SMC6: variants seen among roughly 807,000 people sequenced by gnomAD.
SMC6 encodes the protein structural maintenance of chromosomes 6, also known as structural maintenance of chromosomes protein 6.
Under a neutral mutation model 142.2 loss-of-function variants are expected in SMC6, and 79 were observed. The ratio of observed to expected loss-of-function variants is 0.56; its 90% CI spans 0.46 to 0.67. The LOEUF is 0.67. SMC6 is among the 30% of genes least tolerant of loss of function. SMC6 has a pLI of 0.00. For missense variants in SMC6, 1,072 were observed against 1,284.0 expected (o/e 0.83, Z 2.52); for synonymous variants, 411 against 412.4 (o/e 1.00, Z 0.04).
At chr2:17,726,689 T>C (rs1282605714) in intron 7 of SMC6, among the ~76,000 whole-genome samples, 1 of 152,134 alleles carries the variant, frequency 6.6e-6, no homozygotes, top group Non-Finnish European at 1.5e-5. Flanking sequence ...TATGGTATAG[T>C]TAACATTCAA....
rs778210503 is a variant in SMC6 at position 17,731,154 on chromosome 2, CAT to C, written c.482-17_482-16del. 51 of 1,593,172 alleles carry C rather than the reference CAT, an allele frequency of 3.2e-5. No individual in the cohort carries two copies. In the Middle Eastern group the frequency reaches 8.3e-4, roughly 26 times the overall value. On this transcript the variant is annotated splice_polypyrimidine_tract_variant and intron_variant, in intron 6 of 27. Transcript: ENST00000448223. ...AACCACGGAGCCTAGTTATAAGAAA[CAT>C]ATGAAATAACCAAACTGTTTCTAGG...
chr2:17,696,525 G>C, intron 21 of SMC6, 99 bp from the exon 22 acceptor site: 2 of 1,215,864 alleles, frequency 1.6e-6, no homozygotes, highest in South Asian at 2.7e-5. Flanking sequence ...GGATTATGCT[G>C]TTTGAAGAGG....
At chr2:17,707,741 C>G (rs1487756519) in intron 17 of SMC6, among the ~76,000 whole-genome samples, 1 of 151,880 alleles carries the variant, frequency 6.6e-6, no homozygotes, top group Admixed American at 6.6e-5. Context: ...TTCTAAATGA[C>G]TTTTATACCC....
chr2:17,734,820 C>T lies in SMC6; in HGVS notation c.345-2943G>A, dbSNP rs149771608. Among the ~76,000 whole-genome samples, 1,015 of 152,242 alleles carry T rather than the reference C, an allele frequency of 6.7e-3. 4 individuals are homozygous for T. The highest frequency in any genetic ancestry group is 0.011 in the Non-Finnish European group (737 of 68,026). On this transcript the variant is annotated intron_variant, in intron 5 of 27. Coordinates refer to ENST00000448223, the MANE Select transcript of SMC6 (RefSeq NM_001142286.2). ...GATCTCGGCTCACTGCAATCTCCGC[C>T]TCCCAGGTTCAAATGATTCTCCTGC...
chr2:17,728,356 C>T (rs1669734863), intron 7 of SMC6, among the ~76,000 whole-genome samples: 1 of 152,056 alleles, frequency 6.6e-6, no homozygotes, highest in Non-Finnish European at 1.5e-5. Context: ...ATCACTTGAG[C>T]CTGAGAGGTG....
intron 23 of SMC6, among the ~76,000 whole-genome samples, chr2:17,684,626 C>T (rs1328319135): frequency 6.6e-6 from 1 of 152,126 alleles, no homozygotes; most frequent in Non-Finnish European, 1.5e-5. Context: ...GAATTAGAGA[C>T]CAGCTTGGAC....
chr2:17,672,424 T>C (rs879758080), intron 25 of SMC6, among the ~76,000 whole-genome samples: 19 of 152,318 alleles, frequency 1.2e-4, no homozygotes, highest in Non-Finnish European at 2.2e-4. Context: ...AATACTTTTT[T>C]TTCTCCATTT....
At position 17,678,877 on chromosome 2, in the gene SMC6, A is replaced by G; in HGVS notation, c.2892T>C (p.Asn964=). ...TACTTACTGATATACTTAGAGTTTC[A>G]TTCTTGTGGTCAAAATTCATTTTTC... ...YCGKMNFDHK[N]ETLSISVQPG... Residue 964 remains asparagine (N), a synonymous_variant, in exon 25 of 28, where the codon AAT becomes AAC. Coordinates refer to ENST00000448223, the MANE Select transcript of SMC6 (RefSeq NM_001142286.2). The G allele has an allele frequency of 5.6e-6, 9 of 1,608,098 alleles. No individual in the cohort carries two copies. The highest frequency in any genetic ancestry group is 7.7e-6 in the Non-Finnish European group (9 of 1,175,612).
At chr2:17,691,233 TACACAC>T (rs138226968) in intron 23 of SMC6, among the ~76,000 whole-genome samples, 1,801 of 123,268 alleles carry the variant, frequency 0.015, 27 homozygotes, top group East Asian at 0.036. Flanking sequence ...AAAATGTGTA[TACACAC>T]ACACACACAC....
At chr2:17,694,227 A>C (rs1256027145) in intron 23 of SMC6, among the ~76,000 whole-genome samples, 2 of 152,078 alleles carry the variant, frequency 1.3e-5, no homozygotes. Flanking sequence ...GGGGTAATTA[A>C]AAGAGATTGG....
At chr2:17,725,112 C>A in intron 9 of SMC6, 145 bp downstream of exon 9, 1 of 581,176 alleles carries the variant, frequency 1.7e-6, no homozygotes, top group Non-Finnish European at 2.9e-6. Flanking sequence ...AATATAAACA[C>A]TACATTGCAT....
chr2:17,753,158 G>C (rs1352043108), intron 1 of SMC6, 94 bp from the exon 2 acceptor site: 1 of 282,558 alleles, frequency 3.5e-6, no homozygotes, highest in Non-Finnish European at 5.3e-6. Flanking sequence ...CGTAAAACTG[G>C]GCTTTAATGA....
At chr2:17,685,133 A>AAC (rs1667393776) in intron 23 of SMC6, among the ~76,000 whole-genome samples, 2 of 151,994 alleles carry the variant, frequency 1.3e-5, no homozygotes, top group Non-Finnish European at 2.9e-5. Context: ...AAAATGAAAA[A>AAC]AAAAGACAAA....
chr2:17,720,181 A>G (rs1669301129), intron 11 of SMC6, among the ~76,000 whole-genome samples: 1 of 152,200 alleles, frequency 6.6e-6, no homozygotes. Context: ...TGGTATATGA[A>G]TGATATCTCA....
intron 9 of SMC6, among the ~76,000 whole-genome samples, chr2:17,722,550 C>T (rs949540174): frequency 6.6e-6 from 1 of 152,186 alleles, no homozygotes; most frequent in African/African-American, 2.4e-5. Context: ...AAAATTGTCT[C>T]TATCTCCTCC....
chr2:17,731,597 C>CGTGTGTGT (rs3217290), intron 6 of SMC6, 144 bp downstream of exon 6: 1 of 696,638 alleles, frequency 1.4e-6, no homozygotes, highest in East Asian at 2.7e-5. Context: ...AACATATGCA[C>CGTGTGTGT]GTGTGTGTGT....
chr2:17,736,656 C>CTTGAGCCCAGGAG (rs1040311257), intron 5 of SMC6, among the ~76,000 whole-genome samples: 1 of 151,198 alleles, frequency 6.6e-6, no homozygotes, highest in East Asian at 1.9e-4. Flanking sequence ...AGGTAGATCA[C>CTTGAGCCCAGGAG]TTGAGCCCAG....
At chr2:17,714,381 C>T (rs1668979566) in intron 16 of SMC6, among the ~76,000 whole-genome samples, 1 of 152,036 alleles carries the variant, frequency 6.6e-6, no homozygotes, top group African/African-American at 2.4e-5. Context: ...GGCATGAGCC[C>T]CTGTGCCTGG....
intron 3 of SMC6, among the ~76,000 whole-genome samples, chr2:17,744,838 T>C (rs2125082305): frequency 6.6e-6 from 1 of 152,360 alleles, no homozygotes; most frequent in Non-Finnish European, 1.5e-5. Context: ...GATATAATCA[T>C]GTGATTTTTC....
Sources: gnomAD v4.1 joint callset for allele counts (sites outside exome capture counted in the v4.1 genomes callset) on GRCh38, gnomAD v4.1.1 for gene constraint, MANE v1.5 for transcripts, NCBI Gene and HGNC (gene_info 2026-07-23, HGNC 2026-07-21) for gene names.